BCLAF1: variants seen among roughly 807,000 people sequenced by gnomAD.
BCLAF1 encodes BCL2 associated transcription factor 1, also known as bcl-2-associated transcription factor 1.
In BCLAF1, 10 loss-of-function variants were observed where a neutral mutation model predicts 99.5. The observed-to-expected ratio is 0.10, with a 90% CI of 0.06 to 0.17. The LOEUF (loss-of-function observed/expected upper bound fraction) is 0.17. BCLAF1 is among the 10% of genes least tolerant of loss of function. BCLAF1 has a pLI of 1.00. For missense variants in BCLAF1, 636 were observed against 1,105.8 expected (o/e 0.58, Z 6.02); for synonymous variants, 255 against 370.9 (o/e 0.69, Z 3.59).
At position 136,277,889 on chromosome 6, in the gene BCLAF1, G is replaced by A. The variant is rs765376203; in HGVS notation, c.992C>T (p.Ala331Val). 2 of 1,603,506 alleles carry A rather than the reference G, an allele frequency of 1.2e-6. No homozygotes were observed. The highest frequency in any genetic ancestry group is 1.7e-6 in the Non-Finnish European group (2 of 1,175,366). ...CCTTTTTAAGAACTTCCCAGTCTTT[G>A]CAGTTTCCTGATCTCCACCATCAGG... ...FYPDGGDQET[A>V]KTGKFLKRFT... Residue 331 changes from alanine (A) to valine (V), a missense_variant, in exon 4 of 13, where the codon GCA (alanine) becomes GTA (valine). Physicochemically the swap from Ala to Val is moderately conservative, Grantham distance 64. Coordinates refer to ENST00000531224, the MANE Select transcript of BCLAF1 (RefSeq NM_014739.3).
Position 136,258,562 on chromosome 6 carries a change from A to C in BCLAF1, c.*2548T>G, listed in dbSNP as rs1029046434. The C allele has an allele frequency of 6.6e-6, 1 of 152,510 alleles. No homozygotes were observed. The highest frequency in any genetic ancestry group is 2.4e-5 in the African/African-American group (1 of 41,444). The allele number at this position is 152,510 out of a possible 1,614,324, so 9.4% of individuals were successfully genotyped here. ...CACAGAAATAAGATGTGTGAAATAG[A>C]CACAGGTAAACAAACAACAGCAGTT... On this transcript the variant is annotated 3_prime_UTR_variant, in exon 13 of 13. Transcript: ENST00000531224.
At chr6:136,262,382 T>TA (rs1781126042) in intron 11 of BCLAF1, among the ~76,000 whole-genome samples, 1 of 152,192 alleles carries the variant, frequency 6.6e-6, no homozygotes, top group African/African-American at 2.4e-5. Flanking sequence ...AAATGTTGTG[T>TA]AATCTATAGA....
chr6:136,276,662 T>A (rs563163715), intron 4 of BCLAF1, among the ~76,000 whole-genome samples, 154 bp from the exon 5 acceptor site: 2 of 152,210 alleles, frequency 1.3e-5, no homozygotes, highest in African/African-American at 2.4e-5. Context: ...TTAAAAATCA[T>A]TGAAAGCATC....
chr6:136,273,878 C>T, intron 6 of BCLAF1: 1 of 717,646 alleles, frequency 1.4e-6, no homozygotes, highest in Non-Finnish European at 1.8e-6. Flanking sequence ...AATAGAAAGA[C>T]GTATAAAGTC....
intron 1 of BCLAF1, among the ~76,000 whole-genome samples, chr6:136,287,270 A>G (rs1785271440): frequency 6.6e-6 from 1 of 152,202 alleles, no homozygotes; most frequent in Non-Finnish European, 1.5e-5. Context: ...AGATGGCGCC[A>G]CTGCACTCCA....
rs1782604746 is a variant in BCLAF1 at position 136,271,991 on chromosome 6, A to G, written c.2043+4T>C. 1.3e-6 allele frequency: 2 copies of G among 1,590,894 alleles called. No individual in the cohort carries two copies. Among genetic ancestry groups the G allele is most frequent in the Non-Finnish European group, 8.6e-7 (1 of 1,162,184 alleles). ...ACGAAAAAAAATTACATTCAAAAAC[A>G]TACCTTTTGATTTTCTTCTTTAAAA... is the stretch of plus-strand genomic sequence containing the variant. On this transcript the variant is annotated splice_donor_region_variant and intron_variant, in intron 8 of 12. Coordinates refer to ENST00000531224, the MANE Select transcript of BCLAF1 (RefSeq NM_014739.3).
chr6:136,268,958 C>A (rs902602388), intron 9 of BCLAF1: 2 of 307,950 alleles, frequency 6.5e-6, no homozygotes, highest in Admixed American at 5.3e-5. Flanking sequence ...TTAACTCTTA[C>A]CACTGCTAAC....
At chr6:136,268,393 G>A in intron 9 of BCLAF1, 54 bp from the exon 10 acceptor site, 2 of 1,442,894 alleles carry the variant, frequency 1.4e-6, no homozygotes, top group Non-Finnish European at 9.5e-7. Context: ...TAAAGACCCT[G>A]CTGAATCTTA....
rs754108101 is a variant in BCLAF1, at chr6:136,278,724, A to G, written c.157T>C (p.Tyr53His). Residue 53 changes from tyrosine (Y) to histidine (H), a missense_variant, in exon 4 of 13, where the codon TAT (tyrosine) becomes CAT (histidine). Around this residue, in one of 9 missense-constraint regions of BCLAF1, gnomAD observed 81 missense variants for 132.5 expected, o/e 0.61. Coordinates refer to ENST00000531224, the MANE Select transcript of BCLAF1 (RefSeq NM_014739.3). ...TAATCGCGACGATAATCTCTAGAAT[A>G]CATACGATCTCTACTACGAGACCTT... The part of the protein sequence containing the change: ...YSRSRSRDRM[Y>H]SRDYRRDYRN... 1.9e-6 allele frequency: 3 copies of G among 1,607,930 alleles called. No homozygotes were observed. In the South Asian group the frequency reaches 3.3e-5, roughly 18 times the overall value.
At position 136,257,202 on chromosome 6, in the gene BCLAF1, C is replaced by G. The variant is rs1225146259; in HGVS notation, c.*3908G>C. ...AAATCAGTTCACTGTGGTAAAACAC[C>G]AAAAATATCCATAGGAAAAATTTTC... On this transcript the variant is annotated 3_prime_UTR_variant, in exon 13 of 13. Transcript: ENST00000531224. The G allele has an allele frequency of 1.3e-5, 2 of 152,062 alleles. No homozygotes were observed. Among genetic ancestry groups the G allele is most frequent in the Non-Finnish European group, 2.9e-5 (2 of 68,004 alleles). The allele number at this position is 152,062 out of a possible 1,614,324, so 9.4% of individuals were successfully genotyped here. A position where few individuals can be genotyped will look rare whatever the true frequency, so the allele number is the denominator to read the frequency against.
chr6:136,282,308 T>C lies in BCLAF1; in HGVS notation c.-11+276A>G, dbSNP rs542656958. ...GTTTACATTAGGGAAATGGGTTAAGTAGCAGTCTTTCTATCTTGTATGTCC... is the reference window on the plus strand; with the variant it reads ...GTTTACATTAGGGAAATGGGTTAAGCAGCAGTCTTTCTATCTTGTATGTCC... On this transcript the variant is annotated intron_variant, in intron 2 of 12. Coordinates refer to ENST00000531224, the MANE Select transcript of BCLAF1 (RefSeq NM_014739.3). Among the ~76,000 whole-genome samples, 3 of 152,228 alleles carry C rather than the reference T, an allele frequency of 2.0e-5. No homozygotes were observed. The South Asian group carries it at 6.2e-4, about 32-fold the overall frequency.
chr6:136,263,742 A>G (rs932241708), intron 11 of BCLAF1, among the ~76,000 whole-genome samples: 4 of 152,286 alleles, frequency 2.6e-5, no homozygotes, highest in Non-Finnish European at 5.9e-5. Context: ...TGAAGACAGC[A>G]ACTCAACACT....
chr6:136,284,148 A>G (rs1376543289), intron 1 of BCLAF1, among the ~76,000 whole-genome samples: 1 of 146,612 alleles, frequency 6.8e-6, no homozygotes, highest in Non-Finnish European at 1.5e-5. Flanking sequence ...ATATATATAT[A>G]TATATATATA....
chr6:136,283,234 C>T (rs981988221), intron 1 of BCLAF1, among the ~76,000 whole-genome samples: 1 of 145,422 alleles, frequency 6.9e-6, no homozygotes. Flanking sequence ...TCATAATGCT[C>T]TACTTTATAA....
intron 3 of BCLAF1, 109 bp from the exon 4 acceptor site, chr6:136,278,885 A>C: frequency 8.7e-7 from 1 of 1,144,558 alleles, no homozygotes; most frequent in Non-Finnish European, 1.2e-6. Context: ...GCAAAAATAC[A>C]CTTTTTTAAA....
At chr6:136,285,686 T>TA (rs1785032812) in intron 1 of BCLAF1, among the ~76,000 whole-genome samples, 1 of 152,234 alleles carries the variant, frequency 6.6e-6, no homozygotes, top group South Asian at 2.1e-4. Context: ...GAACACAGGA[T>TA]AAAATAAAGC....
chr6:136,273,190 G>A lies in BCLAF1; in HGVS notation c.1853-3C>T. 6 of 1,609,158 alleles carry A rather than the reference G, an allele frequency of 3.7e-6. No individual in the cohort carries two copies. The highest frequency in any genetic ancestry group is 5.1e-6 in the Non-Finnish European group (6 of 1,176,994). ...TGCAGCTGACTTGAAGTATTGCTCT[G>A]TTGATTTAGAAGAAATACTGTCCGA... On this transcript the variant is annotated splice_polypyrimidine_tract_variant and splice_region_variant and intron_variant, in intron 6 of 12. Transcript: ENST00000531224.
chr6:136,264,058 T>A (rs1781390623), intron 11 of BCLAF1, among the ~76,000 whole-genome samples: 1 of 152,190 alleles, frequency 6.6e-6, no homozygotes, highest in African/African-American at 2.4e-5. Context: ...CTTAAGCTAC[T>A]CCACCTTTGT....
At chr6:136,284,130 G>GTATATATATATATATATATATATATA (rs60218804) in intron 1 of BCLAF1, among the ~76,000 whole-genome samples, 2 of 122,120 alleles carry the variant, frequency 1.6e-5, no homozygotes, top group African/African-American at 8.2e-5. Flanking sequence ...GTGTGTGTGT[G>GTATATATATATATATATATATATATA]TATATATATA....
Sources: allele counts gnomAD v4.1 joint callset (sites outside exome capture counted in the v4.1 genomes callset), GRCh38; gene constraint gnomAD v4.1.1; regional missense constraint gnomAD v4.1.1; transcripts MANE v1.5; gene names NCBI Gene and HGNC (gene_info 2026-07-23, HGNC 2026-07-21).